Variants in DPP6 observed in about 807,000 individuals in gnomAD.
The protein encoded by DPP6 is A-type potassium channel modulatory protein DPP6.
A neutral mutation model predicts 122.6 loss-of-function variants in DPP6; 69 were observed. That is an observed-to-expected ratio of 0.56 (90% CI 0.46 to 0.69). The LOEUF is 0.69. Among genes scored for constraint, DPP6 ranks in the 30% least tolerant of loss-of-function variants. The pLI is 0.00. For missense variants in DPP6, 928 were observed against 1,116.9 expected, an observed-to-expected ratio of 0.83 and a Z score of 2.41; for synonymous variants, 418 against 433.1, an observed-to-expected ratio of 0.97 and a Z score of 0.43.
the DPP6 span, among the ~76,000 whole-genome samples, chr7:153,843,113 T>C: frequency 6.7e-6 from 1 of 148,644 alleles, no homozygotes; most frequent in Non-Finnish European, 1.5e-5. Flanking sequence ...CACGAGTGCA[T>C]ACACATGCGC....
chr7:154,060,356 G>T (rs1401846788), intron 1 of DPP6, among the ~76,000 whole-genome samples: 2 of 125,544 alleles, frequency 1.6e-5, no homozygotes, highest in Non-Finnish European at 3.4e-5. Context: ...GCGAGGCAGG[G>T]ACTGAGAGCC....
At chr7:154,858,677 C>T (rs1803046840) in intron 17 of DPP6, among the ~76,000 whole-genome samples, 1 of 152,218 alleles carries the variant, frequency 6.6e-6, no homozygotes, top group Admixed American at 6.5e-5. Flanking sequence ...GGCTGTTAAA[C>T]CTGTGGGAGC....
At chr7:153,811,520 G>C in the DPP6 span, among the ~76,000 whole-genome samples, 14 of 152,216 alleles carry the variant, frequency 9.2e-5, no homozygotes, top group Non-Finnish European at 1.5e-4. Flanking sequence ...TTTGGGGTTT[G>C]CTTGTCACTT....
At chr7:154,837,300 CACACATGCACACAA>C (rs1329380324) in intron 16 of DPP6, among the ~76,000 whole-genome samples, 13 of 151,902 alleles carry the variant, frequency 8.6e-5, no homozygotes, top group East Asian at 1.9e-4. Flanking sequence ...CACATGCATG[CACACATGCACACAA>C]ACACATGCAC....
intron 1 of DPP6, among the ~76,000 whole-genome samples, chr7:154,288,429 G>A (rs565821251): frequency 5.9e-5 from 9 of 152,280 alleles, no homozygotes; most frequent in South Asian, 2.1e-4. Flanking sequence ...GGAAAAACTC[G>A]GATCCCACTT....
intron 1 of DPP6, among the ~76,000 whole-genome samples, chr7:154,042,825 T>C (rs1423194783): frequency 6.6e-6 from 1 of 152,228 alleles, no homozygotes; most frequent in Non-Finnish European, 1.5e-5. Context: ...TTTTATTCTC[T>C]TCCTATAGCT....
chr7:154,073,272 G>A (rs529644381), intron 1 of DPP6, among the ~76,000 whole-genome samples: 1 of 152,354 alleles, frequency 6.6e-6, no homozygotes, highest in East Asian at 1.9e-4. Context: ...GCCTTCCATG[G>A]TCCTCTGTCT....
chr7:154,526,759 G>A (rs1029265142), intron 3 of DPP6, among the ~76,000 whole-genome samples: 3 of 152,068 alleles, frequency 2.0e-5, no homozygotes, highest in African/African-American at 7.2e-5. Context: ...ACACCTTATT[G>A]CTTAAGAGCC....
intron 3 of DPP6, among the ~76,000 whole-genome samples, chr7:154,495,986 T>G (rs983323129): frequency 1.3e-5 from 2 of 152,160 alleles, no homozygotes; most frequent in Non-Finnish European, 2.9e-5. Context: ...CAGAAAGAAC[T>G]TCTCCTCCAC....
intron 6 of DPP6, among the ~76,000 whole-genome samples, chr7:154,667,542 G>A (rs1838240939): frequency 6.6e-6 from 1 of 152,156 alleles, no homozygotes; most frequent in African/African-American, 2.4e-5. Context: ...GGCTAACATG[G>A]TGAAACTCTG....
intron 3 of DPP6, among the ~76,000 whole-genome samples, chr7:154,489,067 C>T (rs978967553): frequency 6.6e-6 from 1 of 152,244 alleles, no homozygotes; most frequent in African/African-American, 2.4e-5. Flanking sequence ...GCTTGCTCTT[C>T]TTAAAGCCCC....
chr7:154,688,661 G>T (rs1339636502), intron 7 of DPP6, among the ~76,000 whole-genome samples: 2 of 152,168 alleles, frequency 1.3e-5, no homozygotes, highest in Non-Finnish European at 2.9e-5. Context: ...GAAGAGGCCA[G>T]CACTGGAGAA....
At chr7:154,215,953 G>A (rs4612246) in intron 1 of DPP6, among the ~76,000 whole-genome samples, 2 of 151,876 alleles carry the variant, frequency 1.3e-5, no homozygotes, top group African/African-American at 2.4e-5. Context: ...TACTAGATAC[G>A]TACTGCTTCT....
At chr7:153,803,186 C>A in the DPP6 span, among the ~76,000 whole-genome samples, 1 of 151,054 alleles carries the variant, frequency 6.6e-6, no homozygotes, top group African/African-American at 2.4e-5. Flanking sequence ...TGCCAGCATA[C>A]CCTAGCCTGG....
intron 10 of DPP6, among the ~76,000 whole-genome samples, chr7:154,779,185 C>T (rs1796856915): frequency 9.0e-6 from 1 of 110,740 alleles, no homozygotes; most frequent in East Asian, 2.9e-4. Context: ...CATCCATCAC[C>T]CCCACAACTT....
At chr7:154,257,295 G>T (rs1042268840) in intron 1 of DPP6, among the ~76,000 whole-genome samples, 1 of 151,882 alleles carries the variant, frequency 6.6e-6, no homozygotes, top group African/African-American at 2.4e-5. Context: ...GAAACTTCTC[G>T]ATTTGCTCTC....
At position 154,862,855 on chromosome 7, in the gene DPP6, A is replaced by G. The variant is rs1803526570; in HGVS notation, c.1715-5140A>G. On this transcript the variant is annotated intron_variant, in intron 17 of 25. Coordinates refer to ENST00000377770, the MANE Select transcript of DPP6 (RefSeq NM_130797.4). The stretch of plus-strand genomic sequence containing the variant: ...GAGGAAAAAAGATATGGCAAAAAGA[A>G]TAATAGTTGCCCAAACTGTGTCAGA... Among the ~76,000 whole-genome samples, 2 of 152,238 alleles carry G rather than the reference A, an allele frequency of 1.3e-5. 1 individual carries two copies. The highest frequency in any genetic ancestry group is 4.1e-4 in the South Asian group (2 of 4,826).
chr7:154,532,877 C>T (rs1827955909), intron 3 of DPP6, among the ~76,000 whole-genome samples: 1 of 152,108 alleles, frequency 6.6e-6, no homozygotes, highest in South Asian at 2.1e-4. Flanking sequence ...TCTGCCCTTC[C>T]TCCACACTTC....
chr7:154,064,353 A>G (rs1585296945), intron 1 of DPP6, among the ~76,000 whole-genome samples: 1 of 152,262 alleles, frequency 6.6e-6, no homozygotes, highest in Non-Finnish European at 1.5e-5. Context: ...GGCAGCGTCA[A>G]GTGCCTGGAA....
Sources: gnomAD v4.1 joint callset for allele counts (sites outside exome capture counted in the v4.1 genomes callset) on GRCh38, gnomAD v4.1.1 for gene constraint, MANE v1.5 for transcripts, NCBI Gene and HGNC (gene_info 2026-07-23, HGNC 2026-07-21) for gene names.